DHX35: variants seen among roughly 807,000 people sequenced by gnomAD.
DHX35 encodes the protein DEAH-box helicase 35, also known as probable ATP-dependent RNA helicase DHX35.
Under a neutral mutation model 99.6 loss-of-function variants are expected in DHX35, and 84 were observed. The ratio of observed to expected loss-of-function variants is 0.84; its 90% CI spans 0.71 to 1.01. The LOEUF (loss-of-function observed/expected upper bound fraction) is 1.01, where lower values mean the gene tolerates loss of function less well. Among genes scored for constraint, DHX35 ranks in the 50% least tolerant of loss-of-function variants. The pLI is 0.00. For missense variants in DHX35, 852 were observed against 888.5 expected (o/e 0.96, Z 0.52); for synonymous variants, 331 against 316.2 (o/e 1.05, Z -0.50).
At chr20:39,025,390 C>A (rs367829714) in intron 18 of DHX35, 31 bp downstream of exon 18, 191 of 1,607,220 alleles carry the variant, frequency 1.2e-4, no homozygotes, top group Non-Finnish European at 1.4e-4. Flanking sequence ...CTGGTGACCT[C>A]CCTTGCTTCA....
At chr20:39,032,580 C>T (rs915014150) in intron 20 of DHX35, among the ~76,000 whole-genome samples, 60 of 152,198 alleles carry the variant, frequency 3.9e-4, no homozygotes, top group African/African-American at 1.4e-3. Context: ...GAGAAGATAG[C>T]GGTAGATTTG....
intron 14 of DHX35, among the ~76,000 whole-genome samples, chr20:39,015,312 T>G (rs904431832): frequency 1.3e-5 from 2 of 152,208 alleles, no homozygotes; most frequent in Non-Finnish European, 2.9e-5. Flanking sequence ...ATTCTCTCCC[T>G]AAATCCTCTT....
intron 8 of DHX35, among the ~76,000 whole-genome samples, chr20:38,996,971 A>G (rs1336878957): frequency 6.7e-6 from 1 of 148,890 alleles, no homozygotes; most frequent in East Asian, 1.9e-4. Context: ...CTTAAAAATT[A>G]TTAAATTAAG....
At chr20:38,977,176 G>T (rs1017620309) in intron 3 of DHX35, among the ~76,000 whole-genome samples, 7 of 152,068 alleles carry the variant, frequency 4.6e-5, no homozygotes, top group Non-Finnish European at 1.0e-4. Flanking sequence ...CCATATTGTT[G>T]TCCATAGTGG....
chr20:39,038,801 C>T lies in DHX35; in HGVS notation c.*258C>T, dbSNP rs971521124. 3.7e-6 allele frequency: 2 copies of T among 542,978 alleles called. No homozygotes were observed. Among genetic ancestry groups the T allele is most frequent in the Non-Finnish European group, 6.6e-6 (2 of 302,062 alleles). The allele number at this position is 542,978 out of a possible 1,614,324, so 33.6% of individuals were successfully genotyped here. ...GCAGAGTGGGAGTTGGCTCACTCAG[C>T]ACGCTCACTAACCCAGCATGCCACT... On this transcript the variant is annotated 3_prime_UTR_variant, in exon 22 of 22. Coordinates refer to ENST00000252011, the MANE Select transcript of DHX35 (RefSeq NM_021931.4).
chr20:38,991,635 T>G, intron 6 of DHX35, 120 bp downstream of exon 6: 3 of 815,360 alleles, frequency 3.7e-6, no homozygotes, highest in Non-Finnish European at 5.7e-6. Flanking sequence ...AGCTTTTCTC[T>G]TGACCTTGGC....
chr20:39,002,667 G>A, intron 9 of DHX35, 105 bp from the exon 10 acceptor site: 1 of 905,836 alleles, frequency 1.1e-6, no homozygotes, highest in Admixed American at 2.2e-5. Flanking sequence ...CTACTGGGCA[G>A]GCCCAAACTC....
At chr20:39,005,120 A>ATTTTATAAAATGATCATTTATAAAATAAT (rs1392673024) in intron 11 of DHX35, among the ~76,000 whole-genome samples, 15 of 152,240 alleles carry the variant, frequency 9.9e-5, no homozygotes, top group African/African-American at 1.7e-4. Context: ...TAGAAAGATT[A>ATTTTATAAAATGATCATTTATAAAATAAT]TTTTATAAAA....
intron 8 of DHX35, among the ~76,000 whole-genome samples, chr20:38,997,073 T>C (rs1222660343): frequency 6.6e-6 from 1 of 150,840 alleles, no homozygotes; most frequent in Non-Finnish European, 1.5e-5. Flanking sequence ...TTTATTTATT[T>C]ATTTATTTAT....
intron 13 of DHX35, among the ~76,000 whole-genome samples, chr20:39,012,467 T>C (rs1270619489): frequency 6.6e-6 from 1 of 151,788 alleles, no homozygotes; most frequent in Non-Finnish European, 1.5e-5. Flanking sequence ...CATTAGGACA[T>C]GTTGAGCTTC....
At chr20:38,995,937 G>C (rs1835152351) in intron 8 of DHX35, among the ~76,000 whole-genome samples, 1 of 152,152 alleles carries the variant, frequency 6.6e-6, no homozygotes, top group Non-Finnish European at 1.5e-5. Flanking sequence ...CCTCATGGGT[G>C]AATTACCCTT....
chr20:38,965,511 G>T (rs2145825334), intron 1 of DHX35, among the ~76,000 whole-genome samples: 1 of 152,124 alleles, frequency 6.6e-6, no homozygotes, highest in South Asian at 2.1e-4. Context: ...TGCATACACT[G>T]GATAGTATGT....
chr20:38,969,847 A>G lies in DHX35; in HGVS notation c.174+633A>G, dbSNP rs139575948. 2.2e-3 allele frequency among the ~76,000 whole-genome samples: 333 copies of G among 152,364 alleles called. 5 individuals are homozygous for G. Among genetic ancestry groups the G allele is most frequent in the Admixed American group, 0.017 (266 of 15,310 alleles). Reference sequence around the variant, plus strand: ...TCCAGTACAGATGGACACAGTTGACATATACACTTTGTCCCTGTTGGCACA... The same window carrying G: ...TCCAGTACAGATGGACACAGTTGACGTATACACTTTGTCCCTGTTGGCACA... On this transcript the variant is annotated intron_variant, in intron 2 of 21. Transcript: ENST00000252011.
chr20:39,003,905 A>C lies in DHX35; in HGVS notation c.1009A>C (p.Lys337Gln), dbSNP rs755192148. 11 of 1,614,124 alleles carry C rather than the reference A, an allele frequency of 6.8e-6. No individual in the cohort carries two copies. The East Asian group carries it at 2.5e-4, about 36-fold the overall frequency. The change falls in exon 11 of 22, where the codon AAG (lysine) becomes CAG (glutamine). Residue 337 changes from lysine to glutamine, a missense_variant and splice_region_variant. Coordinates refer to ENST00000252011, the MANE Select transcript of DHX35 (RefSeq NM_021931.4). ...VFERVSRSVR[K>Q]VIVATNVAET... ...TGAAAGGGTGTCACGCAGTGTCAGAAAGGTGAGACTATCCTGATGACCAAG... is the reference window on the plus strand; with the variant it reads ...TGAAAGGGTGTCACGCAGTGTCAGACAGGTGAGACTATCCTGATGACCAAG...
At chr20:38,974,080 A>G (rs1313640949) in intron 3 of DHX35, among the ~76,000 whole-genome samples, 1 of 152,156 alleles carries the variant, frequency 6.6e-6, no homozygotes, top group African/African-American at 2.4e-5. Context: ...GCATTGCTGG[A>G]TCCTGTGTTC....
At chr20:39,033,441 G>C (rs1257493163) in intron 20 of DHX35, among the ~76,000 whole-genome samples, 1 of 152,132 alleles carries the variant, frequency 6.6e-6, no homozygotes, top group African/African-American at 2.4e-5. Flanking sequence ...CATTCAGGTG[G>C]CAAAGAAAGT....
At chr20:38,988,996 G>A (rs959044108) in intron 5 of DHX35, 79 bp downstream of exon 5, 25 of 1,519,282 alleles carry the variant, frequency 1.6e-5, no homozygotes, top group Non-Finnish European at 2.3e-5. Flanking sequence ...TGTAGTCCTT[G>A]CTGCTGTACA....
Position 39,010,317 on chromosome 20 carries a change from TGA to T in DHX35, c.1263_1264del (p.Glu421AspfsTer4), listed in dbSNP as rs1360029420. The T allele has an allele frequency of 1.2e-6, 2 of 1,613,352 alleles. No individual in the cohort carries two copies. Among genetic ancestry groups the T allele is most frequent in the Non-Finnish European group, 1.7e-6 (2 of 1,179,302 alleles). On this transcript the variant is annotated frameshift_variant, in exon 13 of 22. Coordinates refer to ENST00000252011, the MANE Select transcript of DHX35 (RefSeq NM_021931.4). LOFTEE classifies it high-confidence loss of function. ...ACAAGTTGCCTCAGTCTACGGTTCC[TGA>T]GATGCAGCGTAGTAATTTGGCACCT... ...FDKLPQSTVP[E>X]MQRSNLAPVI... is the part of the protein sequence containing the mutation.
intron 13 of DHX35, among the ~76,000 whole-genome samples, 188 bp from the exon 14 acceptor site, chr20:39,014,692 G>T (rs1359285280): frequency 6.6e-6 from 1 of 152,152 alleles, no homozygotes; most frequent in Non-Finnish European, 1.5e-5. Flanking sequence ...TAAAGGCCAA[G>T]CAGTACAAGG....
Sources: allele counts gnomAD v4.1 joint callset (sites outside exome capture counted in the v4.1 genomes callset), GRCh38; gene constraint gnomAD v4.1.1; transcripts MANE v1.5; gene names NCBI Gene and HGNC (gene_info 2026-07-23, HGNC 2026-07-21).